Variants in ANKRD44 observed in about 807,000 individuals in gnomAD.
ANKRD44 encodes the protein serine/threonine-protein phosphatase 6 regulatory ankyrin repeat subunit B.
In ANKRD44, 35 loss-of-function variants were observed where a neutral mutation model predicts 116.0. The ratio of observed to expected loss-of-function variants is 0.30; its 90% confidence interval spans 0.23 to 0.40. The LOEUF is 0.40. ANKRD44 is among the 10% of genes least tolerant of loss of function. ANKRD44 has a pLI of 1.00. For synonymous variants in ANKRD44, 435 were observed against 461.8 expected (o/e 0.94, Z 0.74); for missense variants, 1,014 against 1,242.6 (o/e 0.82, Z 2.77).
intron 1 of ANKRD44, among the ~76,000 whole-genome samples, chr2:197,305,303 C>T (rs2084037081): frequency 6.6e-6 from 1 of 152,212 alleles, no homozygotes; most frequent in Non-Finnish European, 1.5e-5. Flanking sequence ...TCAGGGACCA[C>T]TGTCCAAGCC....
chr2:197,122,846 G>A, intron 6 of ANKRD44, 54 bp from the exon 7 acceptor site: 1 of 1,573,706 alleles, frequency 6.4e-7, no homozygotes, highest in Non-Finnish European at 8.6e-7. Flanking sequence ...ACAATTTGCT[G>A]ATTCATTTCA....
chr2:197,078,577 C>A lies in ANKRD44; in HGVS notation c.1650+126G>T, dbSNP rs538347266. 5.6e-5 allele frequency: 85 copies of A among 1,525,968 alleles called. No homozygotes were observed. The African/African-American group carries it at 1.1e-3, about 19-fold the overall frequency. 94.5% of individuals were successfully genotyped at this position (1,525,968 alleles called of 1,614,324 possible). On this transcript the variant is annotated intron_variant, in intron 16 of 27. Coordinates refer to ENST00000282272, the MANE Select transcript of ANKRD44 (RefSeq NM_001195144.2). ...TTTTTGAAATCAGAATTCATGAAATCCTGATTCATGGACCCACTTTTTACA... is the reference window on the plus strand; with the variant it reads ...TTTTTGAAATCAGAATTCATGAAATACTGATTCATGGACCCACTTTTTACA...
intron 2 of ANKRD44, among the ~76,000 whole-genome samples, chr2:197,162,311 A>G (rs1259471363): frequency 6.6e-6 from 1 of 152,210 alleles, no homozygotes; most frequent in Admixed American, 6.5e-5. Context: ...CCTGAATGCC[A>G]CTGAACAAAG....
chr2:197,019,688 G>A (rs982876616), intron 17 of ANKRD44, among the ~76,000 whole-genome samples: 5 of 152,118 alleles, frequency 3.3e-5, no homozygotes, highest in Admixed American at 6.6e-5. Flanking sequence ...TTTATTATAG[G>A]AAATTCCAAA....
intron 1 of ANKRD44, among the ~76,000 whole-genome samples, chr2:197,265,544 G>A (rs1271976770): frequency 6.6e-6 from 1 of 152,104 alleles, no homozygotes; most frequent in Non-Finnish European, 1.5e-5. Context: ...ACCATGCCCG[G>A]CCAGTAACAG....
intron 1 of ANKRD44, among the ~76,000 whole-genome samples, chr2:197,287,425 G>A (rs534569565): frequency 8.5e-5 from 13 of 152,126 alleles, no homozygotes; most frequent in Non-Finnish European, 1.3e-4. Flanking sequence ...GCCTTGTGAC[G>A]TCACAGAATA....
At chr2:197,018,041 G>T (rs372329019) in intron 17 of ANKRD44, among the ~76,000 whole-genome samples, 1 of 152,278 alleles carries the variant, frequency 6.6e-6, no homozygotes, top group African/African-American at 2.4e-5. Flanking sequence ...CACTTTCAGG[G>T]CTCATCATTT....
intron 21 of ANKRD44, among the ~76,000 whole-genome samples, chr2:197,005,488 C>G (rs2076185383): frequency 6.6e-6 from 1 of 152,068 alleles, no homozygotes; most frequent in Non-Finnish European, 1.5e-5. Context: ...GGAAAGTGAA[C>G]TTTTACTCAG....
chr2:197,304,246 G>A (rs1015912268), intron 1 of ANKRD44, among the ~76,000 whole-genome samples: 7 of 152,140 alleles, frequency 4.6e-5, no homozygotes, highest in African/African-American at 1.2e-4. Flanking sequence ...GGGGGTCGGC[G>A]GGGGTTGCAA....
chr2:197,252,929 T>G (rs963645823), intron 1 of ANKRD44, among the ~76,000 whole-genome samples: 2 of 152,192 alleles, frequency 1.3e-5, no homozygotes, highest in Admixed American at 6.5e-5. Flanking sequence ...TTTGACTTTT[T>G]ATAGTACCTG....
At chr2:197,208,583 G>C (rs567108859) in intron 1 of ANKRD44, among the ~76,000 whole-genome samples, 2 of 152,066 alleles carry the variant, frequency 1.3e-5, no homozygotes, top group Non-Finnish European at 2.9e-5. Flanking sequence ...GGCAGATCAC[G>C]AGGTCAGGAG....
intron 17 of ANKRD44, among the ~76,000 whole-genome samples, chr2:197,021,508 T>C (rs1467252923): frequency 6.6e-6 from 1 of 152,234 alleles, no homozygotes; most frequent in Non-Finnish European, 1.5e-5. Flanking sequence ...TGGTGTGAGA[T>C]GGTATCTCAT....
intron 10 of ANKRD44, 103 bp from the exon 11 acceptor site, chr2:197,090,135 T>C: frequency 1.2e-6 from 1 of 838,592 alleles, no homozygotes; most frequent in Non-Finnish European, 2.0e-6. Context: ...AACAACACCT[T>C]GTGTAGGGAG....
intron 16 of ANKRD44, among the ~76,000 whole-genome samples, chr2:197,064,613 C>G (rs1488984673): frequency 1.3e-5 from 2 of 151,770 alleles, no homozygotes; most frequent in African/African-American, 4.8e-5. Flanking sequence ...GAAGATCTAC[C>G]AAGAAAATGG....
At chr2:196,996,902 C>A (rs1180469301) in intron 25 of ANKRD44, among the ~76,000 whole-genome samples, 613 of 88,784 alleles carry the variant, frequency 6.9e-3, no homozygotes, top group South Asian at 9.7e-3. Context: ...GACTCTGCCT[C>A]AAAAAAAAAA....
chr2:196,985,895 A>C (rs554391688), downstream of ANKRD44, among the ~76,000 whole-genome samples: 5 of 152,296 alleles, frequency 3.3e-5, no homozygotes, highest in South Asian at 1.0e-3. Context: ...GGATACCTTT[A>C]AGGATAGTGC....
intron 1 of ANKRD44, among the ~76,000 whole-genome samples, chr2:197,211,469 A>G (rs2081322552): frequency 6.6e-6 from 1 of 152,194 alleles, no homozygotes; most frequent in Non-Finnish European, 1.5e-5. Flanking sequence ...GACAAGAGTG[A>G]ACGTCTTTCC....
chr2:197,146,410 C>T (rs1410110799), intron 3 of ANKRD44, among the ~76,000 whole-genome samples: 2 of 152,038 alleles, frequency 1.3e-5, no homozygotes, highest in Non-Finnish European at 2.9e-5. Context: ...TATTGTTTTG[C>T]AGCCCAACTT....
rs1028780076 is a variant in ANKRD44 at position 197,302,244 on chromosome 2, T to C, written c.27+8334A>G. The stretch of plus-strand genomic sequence containing the variant: ...ACCTTAGCTTTCACCTGGGTGAAAC[T>C]GGAAGTTTTTGAGCAGGAGTGACAA... On this transcript the variant is annotated intron_variant, in intron 1 of 27. Coordinates refer to ENST00000282272, the MANE Select transcript of ANKRD44 (RefSeq NM_001195144.2). 4 of 152,438 alleles carry C rather than the reference T, an allele frequency of 2.6e-5. No homozygotes were observed. In the East Asian group the frequency reaches 5.8e-4, roughly 22 times the overall value. 9.4% of individuals were successfully genotyped at this position (152,438 alleles called of 1,614,324 possible).
Sources: allele counts gnomAD v4.1 joint callset (sites outside exome capture counted in the v4.1 genomes callset), GRCh38; gene constraint gnomAD v4.1.1; transcripts MANE v1.5; gene names NCBI Gene and HGNC (gene_info 2026-07-23, HGNC 2026-07-21).